SHISA9: variants seen among roughly 807,000 people sequenced by gnomAD.
The protein encoded by SHISA9 is shisa family member 9.
Under a neutral mutation model 38.0 loss-of-function variants are expected in SHISA9, and 13 were observed. The ratio of observed to expected loss-of-function variants is 0.34; its 90% CI spans 0.22 to 0.54. SHISA9 has a LOEUF of 0.54. SHISA9 is among the 20% of genes least tolerant of loss of function. The probability of loss-of-function intolerance (pLI) is 0.91; values close to 1 mark genes in which losing one functional copy is unlikely to be tolerated. For missense variants in SHISA9, 538 were observed against 575.8 expected, an observed-to-expected ratio of 0.93 and a Z score of 0.67; for synonymous variants, 275 against 242.0, an observed-to-expected ratio of 1.14 and a Z score of -1.27.
intron 2 of SHISA9, among the ~76,000 whole-genome samples, chr16:12,937,175 C>G (rs1567344945): frequency 6.6e-6 from 1 of 152,110 alleles, no homozygotes; most frequent in Non-Finnish European, 1.5e-5. Context: ...TTGCTCAGGT[C>G]TCTAGGCAGT....
the SHISA9 span, among the ~76,000 whole-genome samples, chr16:13,523,580 G>A: frequency 6.6e-6 from 1 of 152,196 alleles, no homozygotes; most frequent in African/African-American, 2.4e-5. Flanking sequence ...TGATGGAGGA[G>A]CAGGCATGTC....
chr16:13,312,094 A>G, the SHISA9 span, among the ~76,000 whole-genome samples: 3,485 of 152,314 alleles, frequency 0.023, 128 homozygotes, highest in African/African-American at 0.079. Flanking sequence ...ATTCTTCAAA[A>G]TATTTTAGCC....
downstream of SHISA9, among the ~76,000 whole-genome samples, chr16:13,243,544 T>A (rs565595009): frequency 6.6e-5 from 10 of 152,264 alleles, no homozygotes; most frequent in African/African-American, 2.4e-4. Flanking sequence ...ATGTTTGGGT[T>A]GATGCAAGAG....
chr16:13,485,168 T>C, the SHISA9 span, among the ~76,000 whole-genome samples: 1 of 152,058 alleles, frequency 6.6e-6, no homozygotes, highest in African/African-American at 2.4e-5. Flanking sequence ...ATTAGGTATG[T>C]GTCCTAATGC....
chr16:13,307,352 T>C, the SHISA9 span, among the ~76,000 whole-genome samples: 2 of 152,366 alleles, frequency 1.3e-5, no homozygotes, highest in South Asian at 4.1e-4. Context: ...TTTCTGCTGC[T>C]ATTTCCTCCT....
the SHISA9 span, among the ~76,000 whole-genome samples, chr16:13,361,243 G>A: frequency 1.3e-5 from 2 of 152,154 alleles, no homozygotes; most frequent in South Asian, 2.1e-4. Context: ...GGGGTTGCTC[G>A]CTCTCTAGAG....
chr16:13,148,028 A>T (rs532699860), intron 2 of SHISA9, among the ~76,000 whole-genome samples: 2 of 152,152 alleles, frequency 1.3e-5, no homozygotes, highest in Non-Finnish European at 2.9e-5. Context: ...ATGTTGAAGA[A>T]GGACCTAGGG....
At chr16:13,447,697 A>G in the SHISA9 span, among the ~76,000 whole-genome samples, 9 of 152,360 alleles carry the variant, frequency 5.9e-5, no homozygotes, top group Non-Finnish European at 1.2e-4. Flanking sequence ...GGAACCAAGA[A>G]TGGCCAGGCT....
the SHISA9 span, among the ~76,000 whole-genome samples, chr16:13,248,439 G>T: frequency 6.6e-6 from 1 of 152,156 alleles, no homozygotes; most frequent in African/African-American, 2.4e-5. Context: ...GAAATAAAGA[G>T]AGGCACTGCA....
At chr16:13,342,462 G>T in the SHISA9 span, among the ~76,000 whole-genome samples, 1 of 152,024 alleles carries the variant, frequency 6.6e-6, no homozygotes, top group Non-Finnish European at 1.5e-5. Flanking sequence ...TAATTTTTTT[G>T]TATTTTTAGT....
intron 2 of SHISA9, among the ~76,000 whole-genome samples, chr16:13,183,718 A>G (rs114208479): frequency 6.6e-6 from 1 of 152,314 alleles, no homozygotes; most frequent in African/African-American, 2.4e-5. Context: ...CAGGTATGCA[A>G]TGTACTCTCA....
chr16:13,454,725 A>G, the SHISA9 span, among the ~76,000 whole-genome samples: 1 of 152,194 alleles, frequency 6.6e-6, no homozygotes, highest in Non-Finnish European at 1.5e-5. Flanking sequence ...TTGGACGTGG[A>G]TCAATAGAAA....
At chr16:13,344,801 C>G in the SHISA9 span, among the ~76,000 whole-genome samples, 1 of 151,996 alleles carries the variant, frequency 6.6e-6, no homozygotes, top group South Asian at 2.1e-4. Context: ...GAGTCCAAGT[C>G]TGAGCCCAAG....
intron 2 of SHISA9, among the ~76,000 whole-genome samples, chr16:12,956,026 T>C (rs1054425310): frequency 1.3e-5 from 2 of 152,042 alleles, no homozygotes; most frequent in African/African-American, 4.8e-5. Flanking sequence ...AAGAGTAATA[T>C]CAAGAATCTA....
the SHISA9 span, among the ~76,000 whole-genome samples, chr16:13,473,715 T>C: frequency 2.0e-5 from 3 of 152,194 alleles, no homozygotes; most frequent in African/African-American, 7.2e-5. Context: ...AAAACTCTTA[T>C]ATTGTTCAGG....
At chr16:13,145,051 A>G (rs561320649) in intron 2 of SHISA9, among the ~76,000 whole-genome samples, 46 of 152,112 alleles carry the variant, frequency 3.0e-4, no homozygotes, top group Non-Finnish European at 4.9e-4. Flanking sequence ...CTTCGACCCT[A>G]TTGTTTTCTT....
intron 2 of SHISA9, among the ~76,000 whole-genome samples, chr16:12,967,012 G>C (rs1400076935): frequency 6.6e-6 from 1 of 152,176 alleles, no homozygotes; most frequent in Non-Finnish European, 1.5e-5. Flanking sequence ...ACATGGTCCT[G>C]TTCTAGAACT....
the SHISA9 span, among the ~76,000 whole-genome samples, chr16:13,539,321 G>T: frequency 0.096 from 2,426 of 25,394 alleles, 200 homozygotes; most frequent in East Asian, 0.25. Context: ...TATATATAAA[G>T]ACAGGATCTT....
the SHISA9 span, among the ~76,000 whole-genome samples, chr16:13,257,870 T>G: frequency 6.6e-6 from 1 of 152,174 alleles, no homozygotes; most frequent in African/African-American, 2.4e-5. Flanking sequence ...ATACTTTATT[T>G]TTTTTGGTGA....
Sources: allele counts gnomAD v4.1 joint callset (sites outside exome capture counted in the v4.1 genomes callset), GRCh38; gene constraint gnomAD v4.1.1; transcripts MANE v1.5; gene names NCBI Gene and HGNC (gene_info 2026-07-23, HGNC 2026-07-21).